The following B4GALT5 variants were observed in gnomAD, a reference collection of about 807,000 sequenced individuals.
B4GALT5 encodes beta-1,4-galactosyltransferase 5, also known as UDP-Gal:beta-GlcNAc beta-1,4-galactosyltransferase 5.
B4GALT5 carries 11 observed loss-of-function variants against 45.0 expected under a neutral mutation model. The ratio of observed to expected loss-of-function variants is 0.24; its 90% CI spans 0.15 to 0.40. The LOEUF (loss-of-function observed/expected upper bound fraction) is 0.40, where lower values mean the gene tolerates loss of function less well. Ranked by LOEUF, B4GALT5 falls within the 10% of genes least tolerant of loss-of-function variation. The probability of loss-of-function intolerance (pLI) is 1.00; values close to 1 mark genes in which losing one functional copy is unlikely to be tolerated. For synonymous variants in B4GALT5, 185 were observed against 182.9 expected (o/e 1.01, Z -0.09); for missense variants, 337 against 500.2 (o/e 0.67, Z 3.11).
intron 2 of B4GALT5, among the ~76,000 whole-genome samples, chr20:49,649,071 C>T (rs891282462): frequency 1.3e-5 from 2 of 152,154 alleles, no homozygotes; most frequent in South Asian, 2.1e-4. Context: ...ATGGCTAACA[C>T]ATTGAATCCT....
intron 1 of B4GALT5, among the ~76,000 whole-genome samples, chr20:49,664,740 CAGG>C (rs570109834): frequency 4.0e-4 from 61 of 152,220 alleles, no homozygotes; most frequent in Admixed American, 1.8e-3. Flanking sequence ...CGCTTATTCT[CAGG>C]AGATGTATAT....
At position 49,712,840 on chromosome 20, in the gene B4GALT5, G is replaced by T. The variant is rs574869458; in HGVS notation, c.115+736C>A. Among the ~76,000 whole-genome samples the T allele has an allele frequency of 1.9e-3, 279 of 144,804 alleles. 11 individuals are homozygous for T. The highest frequency in any genetic ancestry group is 7.0e-3 in the African/African-American group (257 of 36,688). The allele number at this position is 144,804 out of a possible 152,430, so 95.0% of individuals were successfully genotyped here. ...GTGCCCTTGTGGGTACGCGAGGTGGGGGGGGGGGAGATGGGGAAGAGGCAT... is the reference window on the plus strand; with the variant it reads ...GTGCCCTTGTGGGTACGCGAGGTGGTGGGGGGGGAGATGGGGAAGAGGCAT... On this transcript the variant is annotated intron_variant, in intron 1 of 8. Transcript: ENST00000371711.
chr20:49,707,144 C>G (rs182031811), intron 1 of B4GALT5, among the ~76,000 whole-genome samples: 21 of 152,256 alleles, frequency 1.4e-4, no homozygotes, highest in African/African-American at 4.8e-4. Flanking sequence ...CCAAAACCAA[C>G]CACTTTCTTT....
chr20:49,685,939 A>G (rs1367985989), intron 1 of B4GALT5, among the ~76,000 whole-genome samples: 22 of 151,714 alleles, frequency 1.5e-4, no homozygotes, highest in African/African-American at 5.3e-4. Flanking sequence ...AAAAAAAAAA[A>G]GTAGTATTTG....
chr20:49,713,213 G>A (rs1406890369), intron 1 of B4GALT5, among the ~76,000 whole-genome samples: 1 of 151,926 alleles, frequency 6.6e-6, no homozygotes, highest in Non-Finnish European at 1.5e-5. Flanking sequence ...CCCCGGGGAA[G>A]GGAAGGGGAA....
chr20:49,706,710 A>G (rs2085885385), intron 1 of B4GALT5, among the ~76,000 whole-genome samples: 1 of 152,184 alleles, frequency 6.6e-6, no homozygotes. Flanking sequence ...TCTTCTCTTC[A>G]GCCCACACCC....
intron 1 of B4GALT5, among the ~76,000 whole-genome samples, chr20:49,680,360 AAAT>A (rs991536695): frequency 6.6e-6 from 1 of 152,202 alleles, no homozygotes; most frequent in Non-Finnish European, 1.5e-5. Context: ...TTGTTTTAAA[AAAT>A]AATAATAATA....
At chr20:49,686,280 A>T (rs1226217631) in intron 1 of B4GALT5, among the ~76,000 whole-genome samples, 1 of 152,124 alleles carries the variant, frequency 6.6e-6, no homozygotes, top group Non-Finnish European at 1.5e-5. Flanking sequence ...AATGGTTACT[A>T]CTTACATTCT....
intron 7 of B4GALT5, 117 bp downstream of exon 7, chr20:49,639,561 T>C: frequency 1.4e-6 from 2 of 1,427,056 alleles, no homozygotes; most frequent in Non-Finnish European, 1.9e-6. Context: ...TTTTAAACTG[T>C]AGCTACTAGA....
At chr20:49,682,812 G>A (rs1373737324) in intron 1 of B4GALT5, among the ~76,000 whole-genome samples, 2 of 152,140 alleles carry the variant, frequency 1.3e-5, no homozygotes, top group East Asian at 3.8e-4. Context: ...TCCAATTCTA[G>A]GCCGGCGCAG....
rs973982802 is a variant in B4GALT5 at position 49,690,831 on chromosome 20, G to C, written c.115+22745C>G. On this transcript the variant is annotated intron_variant, in intron 1 of 8. Coordinates refer to ENST00000371711, the MANE Select transcript of B4GALT5 (RefSeq NM_004776.4). ...ATTCATGGAGACACAAAATATCCTA[G>C]AGAAGAATCCTTACCCTGAAATTGC... 3.3e-5 allele frequency among the ~76,000 whole-genome samples: 5 copies of C among 152,064 alleles called. No individual in the cohort carries two copies. In the South Asian group the frequency reaches 6.2e-4, roughly 19 times the overall value.
intron 1 of B4GALT5, among the ~76,000 whole-genome samples, chr20:49,684,826 G>A (rs2085778939): frequency 6.6e-6 from 1 of 152,224 alleles, no homozygotes; most frequent in South Asian, 2.1e-4. Context: ...CGGCTTAGCT[G>A]TGTGATCTTG....
At chr20:49,671,176 C>G (rs1476082763) in intron 1 of B4GALT5, among the ~76,000 whole-genome samples, 1 of 152,104 alleles carries the variant, frequency 6.6e-6, no homozygotes, top group African/African-American at 2.4e-5. Flanking sequence ...GTCAGGAGTT[C>G]AAGATCAGCC....
chr20:49,645,579 T>A (rs2123002188), intron 3 of B4GALT5, among the ~76,000 whole-genome samples: 1 of 152,030 alleles, frequency 6.6e-6, no homozygotes, highest in African/African-American at 2.4e-5. Context: ...TGAATTCCCA[T>A]CTCTACTAAA....
chr20:49,643,981 T>C (rs957670711), intron 3 of B4GALT5, among the ~76,000 whole-genome samples: 1 of 131,422 alleles, frequency 7.6e-6, no homozygotes, highest in African/African-American at 2.9e-5. Flanking sequence ...CGGGCTGGAG[T>C]GCAGTGGTGT....
chr20:49,711,208 C>T (rs2085909820), intron 1 of B4GALT5, among the ~76,000 whole-genome samples: 1 of 152,168 alleles, frequency 6.6e-6, no homozygotes, highest in Non-Finnish European at 1.5e-5. Flanking sequence ...AGAAGGCTTA[C>T]ATTCAAGGGG....
In B4GALT5 at chr20:49,642,456, A is replaced by G. The variant is rs753477305; in HGVS notation, c.606+12T>C. ...GAAGAGAAAAAAGAAAGGAAAAGAA[A>G]GGACTACTCACTTGTTCAACCACAT... On this transcript the variant is annotated intron_variant, in intron 5 of 8. Coordinates refer to ENST00000371711, the MANE Select transcript of B4GALT5 (RefSeq NM_004776.4). The G allele has an allele frequency of 1.3e-6, 2 of 1,573,046 alleles. No homozygotes were observed. Among genetic ancestry groups the G allele is most frequent in the East Asian group, 2.2e-5 (1 of 44,666 alleles).
At chr20:49,691,379 G>A (rs913508269) in intron 1 of B4GALT5, among the ~76,000 whole-genome samples, 2 of 152,118 alleles carry the variant, frequency 1.3e-5, no homozygotes, top group Admixed American at 6.5e-5. Context: ...TTAGCCAGGC[G>A]TGATGGTACT....
At chr20:49,652,446 T>C (rs1198382092) in intron 2 of B4GALT5, among the ~76,000 whole-genome samples, 1 of 151,370 alleles carries the variant, frequency 6.6e-6, no homozygotes, top group East Asian at 1.9e-4. Flanking sequence ...TATAAAGAAT[T>C]AGCATTCTTC....
Sources: gnomAD v4.1 joint callset for allele counts (sites outside exome capture counted in the v4.1 genomes callset) on GRCh38, gnomAD v4.1.1 for gene constraint, MANE v1.5 for transcripts, NCBI Gene and HGNC (gene_info 2026-07-23, HGNC 2026-07-21) for gene names.